CUEDC1: variants seen among roughly 807,000 people sequenced by gnomAD.
CUEDC1 encodes the protein CUE domain-containing protein 1.
A neutral mutation model predicts 43.7 loss-of-function variants in CUEDC1; 30 were observed. The ratio of observed to expected loss-of-function variants is 0.69; its 90% CI spans 0.51 to 0.93. The LOEUF (loss-of-function observed/expected upper bound fraction) is 0.93, where lower values mean the gene tolerates loss of function less well. Among genes scored for constraint, CUEDC1 ranks in the 40% least tolerant of loss-of-function variants. The pLI is 0.00. For synonymous variants in CUEDC1, 223 were observed against 223.6 expected, an observed-to-expected ratio of 1.00 and a Z score of 0.02; for missense variants, 486 against 549.0, an observed-to-expected ratio of 0.89 and a Z score of 1.15.
intron 1 of CUEDC1, among the ~76,000 whole-genome samples, chr17:57,922,075 T>C (rs530156556): frequency 1.3e-5 from 2 of 152,110 alleles, no homozygotes; most frequent in Non-Finnish European, 2.9e-5. Context: ...ATCACGCCAC[T>C]GCACTCCAGC....
intron 1 of CUEDC1, among the ~76,000 whole-genome samples, chr17:57,948,375 A>AC (rs544780891): frequency 3.3e-5 from 5 of 151,402 alleles, no homozygotes; most frequent in Non-Finnish European, 7.4e-5. Context: ...CCCAGTGAGC[A>AC]CCCCCGGGTG....
chr17:57,924,434 A>C (rs1422786845), intron 1 of CUEDC1, among the ~76,000 whole-genome samples: 1 of 116,040 alleles, frequency 8.6e-6, no homozygotes, highest in African/African-American at 4.1e-5. Context: ...GCTGCTCAAA[A>C]CTCTTAATCT....
Position 57,861,805 on chromosome 17 carries a change from C to CT in CUEDC1, c.*1483_*1484insA, listed in dbSNP as rs2073878153. 8.0e-6 allele frequency: 1 copy of CT among 124,602 alleles called. No homozygotes were observed. The highest frequency in any genetic ancestry group is 1.6e-5 in the Non-Finnish European group (1 of 62,312). The allele number at this position is 124,602 out of a possible 1,614,324, so 7.7% of individuals were successfully genotyped here. ...GGGTACCGAGGCACTCCTCGGAGAC[C>CT]CCCCCCCCTCCCTCCAGGGCCCCAG... On this transcript the variant is annotated 3_prime_UTR_variant, in exon 11 of 11. Coordinates refer to ENST00000577830, the MANE Select transcript of CUEDC1 (RefSeq NM_001271875.2).
rs1023110163 is a variant in CUEDC1 at position 57,885,683 on chromosome 17, C to T, written c.-119G>A. 2 of 1,299,742 alleles carry T rather than the reference C, an allele frequency of 1.5e-6. No homozygotes were observed. The highest frequency in any genetic ancestry group is 1.6e-5 in the African/African-American group (1 of 63,860). The allele number at this position is 1,299,742 out of a possible 1,614,324, so 80.5% of individuals were successfully genotyped here. On this transcript the variant is annotated 5_prime_UTR_variant, in exon 2 of 11. Coordinates refer to ENST00000577830, the MANE Select transcript of CUEDC1 (RefSeq NM_001271875.2). ...CTCGGGCAGCTCACTCCTGCGCCTC[C>T]TCCTCCCCGGGTAGCCAGGCAGCAA...
At chr17:57,936,548 C>A (rs1219812791) in intron 1 of CUEDC1, among the ~76,000 whole-genome samples, 1 of 152,128 alleles carries the variant, frequency 6.6e-6, no homozygotes, top group Admixed American at 6.5e-5. Flanking sequence ...CATCTTGAGG[C>A]CTCAGGGACA....
intron 1 of CUEDC1, among the ~76,000 whole-genome samples, chr17:57,928,269 G>A (rs991354249): frequency 1.7e-4 from 26 of 152,134 alleles, no homozygotes; most frequent in African/African-American, 4.8e-4. Flanking sequence ...ACCTAGGGCC[G>A]ATGGGCGTGG....
At chr17:57,903,765 T>C (rs953889131) in intron 1 of CUEDC1, among the ~76,000 whole-genome samples, 1 of 151,900 alleles carries the variant, frequency 6.6e-6, no homozygotes, top group Non-Finnish European at 1.5e-5. Context: ...ATAGAGACCC[T>C]TTCTCTACAC....
rs556799688 is a variant in CUEDC1 at position 57,914,596 on chromosome 17, C to T, written c.-315-28717G>A. ...GTCCCAACTGGGAGCTCCTGGAGCTCGATTTAGAAAAGGGACAGGGATAAT... is the reference window on the plus strand; with the variant it reads ...GTCCCAACTGGGAGCTCCTGGAGCTTGATTTAGAAAAGGGACAGGGATAAT... On this transcript the variant is annotated intron_variant, in intron 1 of 10. Transcript: ENST00000577830. Among the ~76,000 whole-genome samples the T allele has an allele frequency of 4.6e-5, 7 of 152,174 alleles. No individual in the cohort carries two copies. The East Asian group carries it at 1.4e-3, about 29-fold the overall frequency.
chr17:57,932,153 A>G (rs1479818112), intron 1 of CUEDC1, among the ~76,000 whole-genome samples: 1 of 151,838 alleles, frequency 6.6e-6, no homozygotes, highest in Non-Finnish European at 1.5e-5. Flanking sequence ...GTCGTGGTAC[A>G]TGCCTGTAAT....
At chr17:57,868,271 T>C (rs1244549063) in intron 7 of CUEDC1, 28 bp from the exon 8 acceptor site, 1 of 1,597,466 alleles carries the variant, frequency 6.3e-7, no homozygotes, top group East Asian at 2.2e-5. Flanking sequence ...TGTGAGTCAT[T>C]CTCTCAGCAG....
intron 3 of CUEDC1, among the ~76,000 whole-genome samples, chr17:57,877,789 G>A (rs1437299474): frequency 6.7e-6 from 1 of 149,376 alleles, no homozygotes; most frequent in East Asian, 1.9e-4. Flanking sequence ...GGAGGCTGAG[G>A]CAGAAGAATC....
At chr17:57,887,017 T>C (rs948453651) in intron 1 of CUEDC1, among the ~76,000 whole-genome samples, 1 of 151,992 alleles carries the variant, frequency 6.6e-6, no homozygotes, top group Non-Finnish European at 1.5e-5. Context: ...GAGACAGGGT[T>C]TCACCATGTT....
rs778844358 is a variant in CUEDC1 at position 57,891,991 on chromosome 17, G to A, written c.-315-6112C>T. On this transcript the variant is annotated intron_variant, in intron 1 of 10. Transcript: ENST00000577830. Reference sequence around the variant, plus strand: ...ACTCACTGTGGTATCCCCAGTGCCCGAATCAGTGCCTGGCATGGTCAATAG... The same window carrying A: ...ACTCACTGTGGTATCCCCAGTGCCCAAATCAGTGCCTGGCATGGTCAATAG... 3.9e-5 allele frequency among the ~76,000 whole-genome samples: 6 copies of A among 152,160 alleles called. 1 individual carries two copies. Among genetic ancestry groups the A allele is most frequent in the Admixed American group, 1.3e-4 (2 of 15,278 alleles).
At chr17:57,865,821 TTC>T (rs1303795976) in intron 10 of CUEDC1, among the ~76,000 whole-genome samples, 36 of 134,752 alleles carry the variant, frequency 2.7e-4, no homozygotes, top group African/African-American at 8.2e-4. Context: ...GTTTTTCTTT[TTC>T]TTTTTTTTTT....
chr17:57,878,762 G>A (rs1251694357), intron 3 of CUEDC1, among the ~76,000 whole-genome samples: 1 of 152,142 alleles, frequency 6.6e-6, no homozygotes, highest in Non-Finnish European at 1.5e-5. Context: ...CGCCTCCGGG[G>A]TTCAAGCGGT....
intron 2 of CUEDC1, 54 bp downstream of exon 2, chr17:57,885,175 C>T (rs989628183): frequency 2.7e-6 from 4 of 1,496,734 alleles, no homozygotes; most frequent in African/African-American, 2.8e-5. Context: ...CCCCTACCTC[C>T]GGGGGGATGC....
At chr17:57,868,295 T>C (rs2073988889) in intron 7 of CUEDC1, 52 bp from the exon 8 acceptor site, 6 of 1,525,012 alleles carry the variant, frequency 3.9e-6, no homozygotes, top group Non-Finnish European at 3.6e-6. Flanking sequence ...GCACACCAGA[T>C]GGCCTCCTCC....
At chr17:57,882,728 A>G (rs909768726) in intron 2 of CUEDC1, among the ~76,000 whole-genome samples, 1 of 152,166 alleles carries the variant, frequency 6.6e-6, no homozygotes, top group African/African-American at 2.4e-5. Context: ...GCCCTTTACG[A>G]TGATCTACTT....
intron 5 of CUEDC1, among the ~76,000 whole-genome samples, chr17:57,871,919 T>C (rs1340384542): frequency 6.6e-6 from 1 of 152,136 alleles, no homozygotes; most frequent in Non-Finnish European, 1.5e-5. Context: ...AGCGAGACTA[T>C]GTCTCAAAAA....
Sources: allele counts gnomAD v4.1 joint callset (sites outside exome capture counted in the v4.1 genomes callset), GRCh38; gene constraint gnomAD v4.1.1; transcripts MANE v1.5; gene names NCBI Gene and HGNC (gene_info 2026-07-23, HGNC 2026-07-21).